Variants in SELE observed in about 807,000 individuals in gnomAD.
SELE encodes the protein selectin E.
SELE carries 52 observed loss-of-function variants against 75.8 expected under a neutral mutation model. That is an observed-to-expected ratio of 0.69 (90% CI 0.55 to 0.86). SELE has a LOEUF of 0.86. SELE is among the 40% of genes least tolerant of loss of function. The pLI is 0.00. For synonymous variants in SELE, 285 were observed against 258.7 expected (o/e 1.10, Z -0.98); for missense variants, 754 against 732.7 (o/e 1.03, Z -0.34).
rs755210905 is a variant in SELE, at chr1:169,726,786, G to A, written c.1666C>T (p.Pro556Ser). The A allele has an allele frequency of 6.2e-7, 1 of 1,613,248 alleles. No individual in the cohort carries two copies. Among genetic ancestry groups the A allele is most frequent in the South Asian group, 1.1e-5 (1 of 90,866 alleles). The change falls in exon 11 of 14, where the codon CCC (proline) becomes TCC (serine). Residue 556 changes from proline (P) to serine (S), a missense_variant. Physicochemically the swap from Pro to Ser is moderately conservative, Grantham distance 74. Transcript: ENST00000333360. ...GCAGCAGAAAGTCCAGCTACCAAGG[G>A]AATGTTGGACTCAGTGGGAGCTAAG... ...TCEAPTESNI[P>S]LVAGLSAAGL... is the part of the protein sequence containing the mutation.
chr1:169,733,659 T>C lies in SELE; in HGVS notation c.-47A>G. On this transcript the variant is annotated splice_region_variant and 5_prime_UTR_variant, in exon 2 of 14. Coordinates refer to ENST00000333360, the MANE Select transcript of SELE (RefSeq NM_000450.2). ...CCAAAGGTTTAGGCTTGAAATACTT[T>C]CCTGGGGAGATAAAACACAAAATGA... 1 of 1,574,724 alleles carries C rather than the reference T, an allele frequency of 6.4e-7. No homozygotes were observed. Among genetic ancestry groups the C allele is most frequent in the East Asian group, 2.2e-5 (1 of 44,686 alleles).
intron 4 of SELE, 165 bp downstream of exon 4, chr1:169,731,670 G>C: frequency 7.2e-6 from 4 of 552,776 alleles, no homozygotes; most frequent in Non-Finnish European, 1.3e-5. Context: ...GTGAATCTAG[G>C]ACTCAAACCC....
At chr1:169,725,029 A>C (rs1337066872) in intron 13 of SELE, among the ~76,000 whole-genome samples, 1 of 152,190 alleles carries the variant, frequency 6.6e-6, no homozygotes, top group Non-Finnish European at 1.5e-5. Context: ...ACCACTTACT[A>C]GCTTTGAGAT....
intron 10 of SELE, 60 bp downstream of exon 10, chr1:169,727,289 A>G: frequency 2.6e-6 from 4 of 1,542,970 alleles, no homozygotes; most frequent in Non-Finnish European, 3.5e-6. Flanking sequence ...TTACTGTAAC[A>G]AGATAGCTCC....
chr1:169,732,725 T>C lies in SELE; in HGVS notation c.311A>G (p.Asn104Ser). Residue 104 changes from asparagine (N) to serine (S), a missense_variant, in exon 3 of 14, where the codon AAT becomes AGT. By Grantham distance (46) the Asn-to-Ser change is conservative. Coordinates refer to ENST00000333360, the MANE Select transcript of SELE (RefSeq NM_000450.2). Reference sequence around the variant, plus strand: ...CACGCAGTCCTCATCTTTTTGCCTATTGTTGGGTTCACCTGGAGCCCAGTT... The same window carrying C: ...CACGCAGTCCTCATCTTTTTGCCTACTGTTGGGTTCACCTGGAGCCCAGTT... ...AKNWAPGEPN[N>S]RQKDEDCVEI... 6.2e-7 allele frequency: 1 copy of C among 1,614,088 alleles called. No individual in the cohort carries two copies. The highest frequency in any genetic ancestry group is 8.5e-7 in the Non-Finnish European group (1 of 1,179,992).
At chr1:169,726,339 ACT>A (rs113320861) in intron 11 of SELE, among the ~76,000 whole-genome samples, 1 of 152,182 alleles carries the variant, frequency 6.6e-6, no homozygotes, top group African/African-American at 2.4e-5. Flanking sequence ...CTTATGAGAG[ACT>A]CTCAAATTTA....
chr1:169,732,960 T>G lies in SELE; in HGVS notation c.76A>C (p.Thr26Pro), dbSNP rs377290460. The change falls in exon 3 of 14, where the codon ACC (threonine) becomes CCC (proline). Residue 26 changes from threonine to proline, a missense_variant. Physicochemically the swap from Thr to Pro is conservative, Grantham distance 38. Coordinates refer to ENST00000333360, the MANE Select transcript of SELE (RefSeq NM_000450.2). ...IKESGAWSYN[T>P]STEAMTYDEA... ...TCATAAGTCATAGCTTCCGTGGAGG[T>G]GTTGTAAGACCAGGCTCCACTCTCT... is the stretch of plus-strand genomic sequence containing the variant. 2 of 1,609,274 alleles carry G rather than the reference T, an allele frequency of 1.2e-6. No homozygotes were observed.
Position 169,729,237 on chromosome 1 carries a change from C to T in SELE, c.1039G>A (p.Val347Ile). The change falls in exon 7 of 14, where the codon GTT becomes ATT. Residue 347 changes from valine (V) to isoleucine (I), a missense_variant. Physicochemically the swap from Val to Ile is conservative, Grantham distance 29. Transcript: ENST00000333360. ...EGFMLQGPAQ[V>I]ECTTQGQWTQ... ...CACTGCCCTTGAGTGGTGCATTCAA[C>T]CTGGGCTGGTCCCTGCAACATGAAG... 1 of 1,613,972 alleles carries T rather than the reference C, an allele frequency of 6.2e-7. No individual in the cohort carries two copies. The highest frequency in any genetic ancestry group is 2.2e-5 in the East Asian group (1 of 44,864).
chr1:169,725,611 TGATG>T, intron 13 of SELE, 114 bp downstream of exon 13: 1 of 728,830 alleles, frequency 1.4e-6, no homozygotes, highest in Non-Finnish European at 2.3e-6. Context: ...AATACCCAGG[TGATG>T]ATTTCTCCCC....
rs767502234 is a variant in SELE at position 169,732,596 on chromosome 1, G to A, written c.421+19C>T. ...CCACACACTGAAACTACCTCCCACT[G>A]CTGCCGCAAACTCCCTACCTGTGTA... On this transcript the variant is annotated intron_variant, in intron 3 of 13. Transcript: ENST00000333360. The A allele has an allele frequency of 1.8e-5, 27 of 1,537,840 alleles. No homozygotes were observed. In the East Asian group the frequency reaches 5.4e-4, roughly 31 times the overall value.
At chr1:169,726,971 G>T (rs926747926) in intron 10 of SELE, among the ~76,000 whole-genome samples, 165 bp from the exon 11 acceptor site, 35 of 152,200 alleles carry the variant, frequency 2.3e-4, no homozygotes, top group African/African-American at 7.2e-4. Flanking sequence ...TTTGAGATCT[G>T]CTCCAAGCCA....
At chr1:169,733,543 A>G in intron 2 of SELE, 33 bp downstream of exon 2, 2 of 1,601,410 alleles carry the variant, frequency 1.2e-6, no homozygotes, top group Middle Eastern at 1.7e-4. Context: ...TAGTGCGAGA[A>G]TGAGAAATCT....
rs1421561225 is a variant in SELE at position 169,729,179 on chromosome 1, A to G, written c.1090+7T>C. The G allele has an allele frequency of 6.3e-7, 1 of 1,598,432 alleles. No individual in the cohort carries two copies. The highest frequency in any genetic ancestry group is 8.5e-7 in the Non-Finnish European group (1 of 1,170,680). ...AGAAAGTATAAATCGAAGGATCTCA[A>G]GCTTACCTTCACAAACTGGGATTTG... On this transcript the variant is annotated splice_region_variant and intron_variant, in intron 7 of 13. Coordinates refer to ENST00000333360, the MANE Select transcript of SELE (RefSeq NM_000450.2).
chr1:169,729,456 T>A (rs1422805155), intron 6 of SELE, 32 bp downstream of exon 6: 1 of 1,610,412 alleles, frequency 6.2e-7, no homozygotes, highest in African/African-American at 1.3e-5. Flanking sequence ...GAAAGAATGT[T>A]CACAGTAAGT....
intron 11 of SELE, 150 bp from the exon 12 acceptor site, chr1:169,726,078 G>T: frequency 1.1e-6 from 1 of 932,170 alleles, no homozygotes; most frequent in Non-Finnish European, 1.7e-6. Context: ...GCATGGCTCT[G>T]TGGCATCTAG....
chr1:169,728,457 A>T (rs1308141208), intron 7 of SELE, among the ~76,000 whole-genome samples: 1 of 152,226 alleles, frequency 6.6e-6, no homozygotes, highest in Non-Finnish European at 1.5e-5. Flanking sequence ...TAATCAGAAC[A>T]TTAGTTCCTG....
chr1:169,730,325 C>CAAA, intron 5 of SELE, 107 bp downstream of exon 5: 1 of 990,566 alleles, frequency 1.0e-6, no homozygotes, highest in Non-Finnish European at 1.4e-6. Context: ...AAAACAAAAA[C>CAAA]AAAAAAAAAA....
chr1:169,733,156 C>T (rs538789084), intron 2 of SELE, among the ~76,000 whole-genome samples, 158 bp from the exon 3 acceptor site: 74 of 152,248 alleles, frequency 4.9e-4, no homozygotes, highest in African/African-American at 1.7e-3. Flanking sequence ...GAAGAAACAG[C>T]GACTTATTGT....
At chr1:169,732,190 C>G (rs1205521207) in intron 3 of SELE, among the ~76,000 whole-genome samples, 1 of 152,052 alleles carries the variant, frequency 6.6e-6, no homozygotes. Flanking sequence ...ACTCTGAAGA[C>G]AGTTCCCCTA....
Sources: gnomAD v4.1 joint callset for allele counts (sites outside exome capture counted in the v4.1 genomes callset) on GRCh38, gnomAD v4.1.1 for gene constraint, MANE v1.5 for transcripts, NCBI Gene and HGNC (gene_info 2026-07-23, HGNC 2026-07-21) for gene names.